Variants in SLC35F4 observed in about 807,000 individuals in gnomAD.
SLC35F4 encodes chromosome 14 open reading frame 36.
SLC35F4 carries 24 observed loss-of-function variants against 44.2 expected under a neutral mutation model. That is an observed-to-expected ratio of 0.54 (90% CI 0.39 to 0.76). The LOEUF is 0.76. SLC35F4 is among the 30% of genes least tolerant of loss of function. The probability of loss-of-function intolerance (pLI) is 0.00; values close to 1 mark genes in which losing one functional copy is unlikely to be tolerated. For synonymous variants in SLC35F4, 238 were observed against 223.6 expected (o/e 1.06, Z -0.57); for missense variants, 562 against 586.1 (o/e 0.96, Z 0.42).
chr14:57,743,294 T>C (rs908211472), intron 1 of SLC35F4, among the ~76,000 whole-genome samples: 13 of 151,984 alleles, frequency 8.6e-5, no homozygotes, highest in Non-Finnish European at 1.3e-4. Context: ...AGCTGGTTTT[T>C]CTGAAAAGAT....
intron 5 of SLC35F4, 57 bp downstream of exon 5, chr14:57,571,837 G>T: frequency 6.4e-7 from 1 of 1,568,134 alleles, no homozygotes; most frequent in Non-Finnish European, 8.7e-7. Context: ...TCTTACTTTA[G>T]TACTCAAGTC....
At chr14:57,780,128 G>A (rs150174927) in intron 1 of SLC35F4, among the ~76,000 whole-genome samples, 4 of 152,096 alleles carry the variant, frequency 2.6e-5, no homozygotes, top group Non-Finnish European at 4.4e-5. Context: ...CAAATAGAAA[G>A]AGAATAAGTC....
upstream of SLC35F4, among the ~76,000 whole-genome samples, chr14:57,866,394 A>G (rs1298692525): frequency 1.3e-5 from 2 of 152,154 alleles, no homozygotes; most frequent in Admixed American, 1.3e-4. Context: ...GACTCGGTCC[A>G]CGCTTGGCGT....
chr14:57,889,049 A>G (rs940366454), intron 1 of SLC35F4, among the ~76,000 whole-genome samples: 1 of 152,198 alleles, frequency 6.6e-6, no homozygotes, highest in Admixed American at 6.5e-5. Flanking sequence ...TAATGTTGAG[A>G]TTTTTGAAAT....
intron 1 of SLC35F4, among the ~76,000 whole-genome samples, chr14:57,939,330 C>T (rs1357436109): frequency 6.6e-6 from 1 of 152,152 alleles, no homozygotes; most frequent in Non-Finnish European, 1.5e-5. Context: ...GTCCCTAGAT[C>T]AGCTGTAGAG....
chr14:57,907,259 T>G (rs774608122), intron 1 of SLC35F4, among the ~76,000 whole-genome samples: 42 of 152,212 alleles, frequency 2.8e-4, no homozygotes, highest in Non-Finnish European at 4.0e-4. Flanking sequence ...ATAATGCTAT[T>G]GTACACTTTA....
intron 1 of SLC35F4, among the ~76,000 whole-genome samples, chr14:57,875,537 G>T (rs113790991): frequency 5.9e-5 from 9 of 152,294 alleles, no homozygotes; most frequent in African/African-American, 2.2e-4. Context: ...TGGTCAGCAG[G>T]TAGATCAGCT....
In SLC35F4 at chr14:57,945,439, ATGTGTGTGTGTG is replaced by A. The variant is rs58976756; in HGVS notation, n.282+36462_282+36473del. On this transcript the variant is annotated intron_variant and non_coding_transcript_variant, in intron 1 of 1. Coordinates refer to the SLC35F4 transcript ENST00000556568. ...TCTTTACCAGGTAAGAGCAATGATAATGTGTGTGTGTGTGTGTGTGTGTGTGTGTGTGTGTGT... is the reference window on the plus strand; with the variant it reads ...TCTTTACCAGGTAAGAGCAATGATAATGTGTGTGTGTGTGTGTGTGTGTGT... Among the ~76,000 whole-genome samples the A allele has an allele frequency of 8.4e-3, 878 of 104,748 alleles. 15 individuals are homozygous for A. Among genetic ancestry groups the A allele is most frequent in the Middle Eastern group, 0.029 (7 of 238 alleles). 68.7% of individuals were successfully genotyped at this position (104,748 alleles called of 152,430 possible). A position where few individuals can be genotyped will look rare whatever the true frequency, so the allele number is the denominator to read the frequency against.
At chr14:57,713,921 G>A (rs957642526) in intron 1 of SLC35F4, among the ~76,000 whole-genome samples, 6 of 152,028 alleles carry the variant, frequency 3.9e-5, no homozygotes, top group Non-Finnish European at 8.8e-5. Context: ...CACCCCCCAT[G>A]GGTCAGCTTC....
chr14:57,925,009 G>C (rs1208416056), intron 1 of SLC35F4, among the ~76,000 whole-genome samples: 1 of 151,924 alleles, frequency 6.6e-6, no homozygotes, highest in Non-Finnish European at 1.5e-5. Flanking sequence ...TCCTGTCTTG[G>C]CCTCCCAAAT....
intron 1 of SLC35F4, among the ~76,000 whole-genome samples, chr14:57,728,897 C>T (rs919246725): frequency 2.0e-5 from 3 of 152,128 alleles, no homozygotes; most frequent in Admixed American, 6.6e-5. Context: ...TTTTATTTCT[C>T]CTTCATGCTC....
intron 1 of SLC35F4, among the ~76,000 whole-genome samples, chr14:57,595,090 T>C (rs1304730616): frequency 6.6e-6 from 1 of 152,230 alleles, no homozygotes. Context: ...ATGTCCTTTT[T>C]CTAGGACCCT....
At chr14:57,691,259 G>A (rs576597188) in intron 1 of SLC35F4, among the ~76,000 whole-genome samples, 1 of 152,226 alleles carries the variant, frequency 6.6e-6, no homozygotes, top group South Asian at 2.1e-4. Flanking sequence ...GCAAACCAAC[G>A]GCAGAAAGAT....
At chr14:57,933,404 A>G (rs1429601598) in intron 1 of SLC35F4, among the ~76,000 whole-genome samples, 3 of 152,118 alleles carry the variant, frequency 2.0e-5, no homozygotes, top group Admixed American at 1.3e-4. Flanking sequence ...GTGATTTACA[A>G]CACAGTCCTC....
intron 1 of SLC35F4, among the ~76,000 whole-genome samples, chr14:57,670,707 A>G (rs1487134284): frequency 2.0e-5 from 3 of 151,792 alleles, no homozygotes; most frequent in Admixed American, 6.6e-5. Context: ...GTTTGTTATA[A>G]TTTCTGTTCT....
intron 1 of SLC35F4, among the ~76,000 whole-genome samples, chr14:57,839,587 G>A (rs1885288976): frequency 6.6e-6 from 1 of 152,090 alleles, no homozygotes; most frequent in Admixed American, 6.6e-5. Context: ...AACACACACT[G>A]GGGCCTTTTC....
intron 1 of SLC35F4, among the ~76,000 whole-genome samples, chr14:57,697,331 G>C (rs1025715945): frequency 6.6e-6 from 1 of 152,034 alleles, no homozygotes; most frequent in Non-Finnish European, 1.5e-5. Flanking sequence ...AGCATAATTA[G>C]CATAATTTTA....
Position 57,899,774 on chromosome 14 carries a change from T to C in SLC35F4, n.282+82139A>G, listed in dbSNP as rs148510636. On this transcript the variant is annotated intron_variant and non_coding_transcript_variant, in intron 1 of 1. Transcript: ENST00000556568. ...TGGGTGGTGGTGTGTCCAGAGTTGGTTCCTGCCGGTGGGTTCGTGGTCTCT... is the reference window on the plus strand; with the variant it reads ...TGGGTGGTGGTGTGTCCAGAGTTGGCTCCTGCCGGTGGGTTCGTGGTCTCT... 9.5e-3 allele frequency among the ~76,000 whole-genome samples: 1,453 copies of C among 152,278 alleles called. 4 individuals carry two copies. The highest frequency in any genetic ancestry group is 0.015 in the African/African-American group (609 of 41,566).
At chr14:57,754,850 A>T (rs2076960031) in intron 1 of SLC35F4, among the ~76,000 whole-genome samples, 1 of 152,264 alleles carries the variant, frequency 6.6e-6, no homozygotes, top group South Asian at 2.1e-4. Context: ...ACTGATCAGC[A>T]GTGTGTCCTG....
Sources: allele counts gnomAD v4.1 joint callset (sites outside exome capture counted in the v4.1 genomes callset), GRCh38; gene constraint gnomAD v4.1.1; transcripts MANE v1.5; gene names NCBI Gene and HGNC (gene_info 2026-07-23, HGNC 2026-07-21).